Variants in TTC39C observed in about 807,000 individuals in gnomAD.
TTC39C encodes tetratricopeptide repeat protein 39C.
Under a neutral mutation model 76.3 loss-of-function variants are expected in TTC39C, and 33 were observed. That is an observed-to-expected ratio of 0.43 (90% CI 0.33 to 0.58). TTC39C has a LOEUF of 0.58. Among genes scored for constraint, TTC39C ranks in the 20% least tolerant of loss-of-function variants. The pLI is 0.04. For synonymous variants in TTC39C, 254 were observed against 260.6 expected (o/e 0.97, Z 0.24); for missense variants, 595 against 701.4 (o/e 0.85, Z 1.71).
rs187918854 is a variant in TTC39C at position 24,132,613 on chromosome 18, G to T, written c.*39G>T. 1 of 1,557,450 alleles carries T rather than the reference G, an allele frequency of 6.4e-7. No homozygotes were observed. Among genetic ancestry groups the T allele is most frequent in the Non-Finnish European group, 8.8e-7 (1 of 1,139,506 alleles). On this transcript the variant is annotated 3_prime_UTR_variant, in exon 14 of 14. Transcript: ENST00000317571. Reference sequence around the variant, plus strand: ...CCCGCTCCGTCCCTCCCCACCCAGGGTCCGCACTTTAAAATAAAAGCAGAG... The same window carrying T: ...CCCGCTCCGTCCCTCCCCACCCAGGTTCCGCACTTTAAAATAAAAGCAGAG...
At chr18:24,102,454 A>T (rs1045013708) in intron 6 of TTC39C, among the ~76,000 whole-genome samples, 2 of 152,198 alleles carry the variant, frequency 1.3e-5, no homozygotes, top group Non-Finnish European at 2.9e-5. Flanking sequence ...AGAAACATGG[A>T]ATTCGGTTAT....
upstream of TTC39C, among the ~76,000 whole-genome samples, chr18:24,011,436 A>C (rs553680312): frequency 1.7e-3 from 261 of 152,290 alleles, no homozygotes; most frequent in Middle Eastern, 3.4e-3. Flanking sequence ...ACCTTTTGGG[A>C]CCAGGAGAGG....
chr18:24,029,820 G>A (rs2083646507), intron 1 of TTC39C, among the ~76,000 whole-genome samples: 1 of 152,196 alleles, frequency 6.6e-6, no homozygotes, highest in Non-Finnish European at 1.5e-5. Flanking sequence ...AGGTTACTGT[G>A]AATGTGATTA....
chr18:24,006,734 A>G (rs748040358), intron 1 of TTC39C, among the ~76,000 whole-genome samples: 3 of 152,218 alleles, frequency 2.0e-5, no homozygotes, highest in African/African-American at 4.8e-5. Context: ...CATAAGATAT[A>G]AGTTTGTTAT....
At chr18:24,082,400 C>A (rs1400671471) in intron 5 of TTC39C, among the ~76,000 whole-genome samples, 1 of 151,896 alleles carries the variant, frequency 6.6e-6, no homozygotes, top group East Asian at 1.9e-4. Context: ...TATAAATTTT[C>A]TTTTTCCTTT....
At chr18:24,039,292 C>T (rs918042360) in intron 1 of TTC39C, among the ~76,000 whole-genome samples, 1 of 152,170 alleles carries the variant, frequency 6.6e-6, no homozygotes, top group Admixed American at 6.5e-5. Context: ...GGAAGTCTCC[C>T]AGGGTACTGG....
At chr18:24,070,419 G>A (rs866738021) in intron 4 of TTC39C, among the ~76,000 whole-genome samples, 12 of 152,116 alleles carry the variant, frequency 7.9e-5, no homozygotes, top group Non-Finnish European at 1.2e-4. Context: ...CATTTGGAGC[G>A]CACTGCTGAC....
rs1192660116 is a variant in TTC39C, at chr18:24,132,371, TG to T, written c.1663-111del. The T allele has an allele frequency of 2.7e-4, 199 of 737,786 alleles. 2 individuals are homozygous for T. The South Asian group carries it at 4.2e-3, about 16-fold the overall frequency. The allele number at this position is 737,786 out of a possible 1,614,324, so 45.7% of individuals were successfully genotyped here. A position where few individuals can be genotyped will look rare whatever the true frequency, so the allele number is the denominator to read the frequency against. ...AATCAAGTGGATGGGAAACCTTTAC[TG>T]GGAGTGTAGAGATTTTACTTTGGGA... On this transcript the variant is annotated intron_variant, in intron 13 of 13. Coordinates refer to ENST00000317571, the MANE Select transcript of TTC39C (RefSeq NM_001135993.2).
intron 1 of TTC39C, among the ~76,000 whole-genome samples, chr18:24,024,385 C>A (rs569864453): frequency 6.6e-6 from 1 of 151,972 alleles, no homozygotes; most frequent in East Asian, 1.9e-4. Flanking sequence ...GATGATTGCA[C>A]CCTTGTATAA....
At chr18:24,059,376 G>A (rs1044937205) in intron 1 of TTC39C, among the ~76,000 whole-genome samples, 2 of 151,844 alleles carry the variant, frequency 1.3e-5, no homozygotes, top group Admixed American at 6.6e-5. Context: ...ACCCTCCATC[G>A]TCAAGTAGGC....
intron 1 of TTC39C, among the ~76,000 whole-genome samples, chr18:24,017,157 A>G (rs114936032): frequency 9.5e-4 from 144 of 152,314 alleles, no homozygotes; most frequent in African/African-American, 3.4e-3. Context: ...CAGAGATGGT[A>G]TCATCCTATC....
intron 1 of TTC39C, among the ~76,000 whole-genome samples, chr18:24,003,170 T>A (rs1427410147): frequency 6.6e-6 from 1 of 152,158 alleles, no homozygotes; most frequent in East Asian, 1.9e-4. Context: ...GTTTGAGGAT[T>A]TCTGCAGTCT....
rs760617575 is a variant in TTC39C, at chr18:24,131,932, GA to G, written c.1662+14del. ...TTCTTCAAGCAAAGGTAAATATCCT[GA>G]ATCTACCTTTCTCCAGTGGCCCTTC... is the stretch of plus-strand genomic sequence containing the variant. On this transcript the variant is annotated intron_variant, in intron 13 of 13. Transcript: ENST00000317571. 2.5e-6 allele frequency: 4 copies of G among 1,612,092 alleles called. No homozygotes were observed. Among genetic ancestry groups the G allele is most frequent in the Non-Finnish European group, 2.5e-6 (3 of 1,178,946 alleles).
intron 1 of TTC39C, among the ~76,000 whole-genome samples, chr18:23,997,721 A>G (rs2083280130): frequency 6.6e-6 from 1 of 151,490 alleles, no homozygotes; most frequent in Non-Finnish European, 1.5e-5. Flanking sequence ...AAAGAAAGAA[A>G]GAAACCAAAA....
upstream of TTC39C, among the ~76,000 whole-genome samples, chr18:24,010,568 T>C (rs906983202): frequency 2.6e-5 from 4 of 152,190 alleles, no homozygotes; most frequent in African/African-American, 9.7e-5. Flanking sequence ...TGATATTAAT[T>C]TCCCTACTCT....
In TTC39C at chr18:23,997,714, GAA is replaced by G. The variant is rs371784567; in HGVS notation, c.-17+4678_-17+4679del. ...AGAAAGAAAGAAAGAAAGAAAGAAA[GAA>G]AGAAAGAAACCAAAACAGGCATAGT... On this transcript the variant is annotated intron_variant, in intron 1 of 13. Transcript: ENST00000304621. Among the ~76,000 whole-genome samples the G allele has an allele frequency of 5.4e-4, 81 of 150,496 alleles. 1 individual carries two copies. The highest frequency in any genetic ancestry group is 8.9e-4 in the Non-Finnish European group (60 of 67,558).
intron 1 of TTC39C, among the ~76,000 whole-genome samples, chr18:24,056,879 C>T (rs1156756105): frequency 1.3e-5 from 2 of 151,922 alleles, no homozygotes; most frequent in Non-Finnish European, 2.9e-5. Context: ...GACAGGGTCT[C>T]ACTATGTTGC....
intron 1 of TTC39C, among the ~76,000 whole-genome samples, chr18:24,059,426 T>C (rs545478071): frequency 3.0e-4 from 46 of 152,312 alleles, no homozygotes; most frequent in African/African-American, 1.0e-3. Context: ...CCATATGTTC[T>C]CAACACTTAG....
At chr18:24,106,309 C>T (rs778866393) in intron 6 of TTC39C, among the ~76,000 whole-genome samples, 6 of 152,176 alleles carry the variant, frequency 3.9e-5, no homozygotes, top group Admixed American at 6.5e-5. Flanking sequence ...ACCACCTACA[C>T]GTTCTTCCAG....
Sources: gnomAD v4.1 joint callset for allele counts (sites outside exome capture counted in the v4.1 genomes callset) on GRCh38, gnomAD v4.1.1 for gene constraint, MANE v1.5 for transcripts, NCBI Gene and HGNC (gene_info 2026-07-23, HGNC 2026-07-21) for gene names.